The following KCNN2 variants were observed in gnomAD, a reference collection of about 807,000 sequenced individuals.
KCNN2 encodes potassium calcium-activated channel subfamily N member 2, also known as small conductance calcium-activated potassium channel protein 2.
In KCNN2, 24 loss-of-function variants were observed where a neutral mutation model predicts 55.5. The observed-to-expected ratio is 0.43, with a 90% CI of 0.31 to 0.61. KCNN2 has a LOEUF of 0.61. Ranked by LOEUF, KCNN2 falls within the 20% of genes least tolerant of loss-of-function variation. The pLI, the probability that KCNN2 is intolerant of heterozygous loss-of-function variation, is 0.08. For missense variants in KCNN2, 754 were observed against 853.6 expected, an observed-to-expected ratio of 0.88 and a Z score of 1.45; for synonymous variants, 431 against 336.1, an observed-to-expected ratio of 1.28 and a Z score of -3.09.
At chr5:114,126,930 A>G (rs1325551257) in intron 1 of KCNN2, among the ~76,000 whole-genome samples, 1 of 152,206 alleles carries the variant, frequency 6.6e-6, no homozygotes, top group Non-Finnish European at 1.5e-5. Context: ...TCCAGAATCC[A>G]AAAAGGCAGT....
intron 2 of KCNN2, among the ~76,000 whole-genome samples, chr5:114,223,044 T>C (rs1006078341): frequency 7.3e-5 from 11 of 151,008 alleles, no homozygotes; most frequent in African/African-American, 2.7e-4. Context: ...GTAGCATTCA[T>C]TGATTTTCTA....
chr5:114,156,157 G>C (rs1752630098), intron 1 of KCNN2, among the ~76,000 whole-genome samples: 1 of 152,028 alleles, frequency 6.6e-6, no homozygotes, highest in Admixed American at 6.6e-5. Context: ...GCCATTGTTT[G>C]TTTTTGTCAG....
chr5:114,129,060 A>G (rs1379150114), intron 1 of KCNN2, among the ~76,000 whole-genome samples: 1 of 152,212 alleles, frequency 6.6e-6, no homozygotes, highest in Non-Finnish European at 1.5e-5. Context: ...TGATAGCCTG[A>G]CTAACAACAG....
intron 3 of KCNN2, among the ~76,000 whole-genome samples, chr5:114,449,028 T>G (rs1760534723): frequency 6.6e-6 from 1 of 152,136 alleles, no homozygotes; most frequent in Non-Finnish European, 1.5e-5. Flanking sequence ...ATTGAAGTGC[T>G]AGTGTTGGTA....
At chr5:114,111,113 T>C (rs1166607690) in intron 1 of KCNN2, among the ~76,000 whole-genome samples, 2 of 152,116 alleles carry the variant, frequency 1.3e-5, no homozygotes, top group Admixed American at 6.6e-5. Flanking sequence ...AACAGCATGG[T>C]ACTGTTACCA....
At chr5:114,306,219 C>G (rs759278710) in intron 2 of KCNN2, among the ~76,000 whole-genome samples, 4 of 152,170 alleles carry the variant, frequency 2.6e-5, no homozygotes, top group Non-Finnish European at 4.4e-5. Context: ...ATAGCATTCA[C>G]CAGATCTGCC....
intron 2 of KCNN2, among the ~76,000 whole-genome samples, chr5:114,399,930 G>GTTT (rs35266559): frequency 3.1e-5 from 4 of 129,860 alleles, no homozygotes; most frequent in African/African-American, 5.6e-5. Flanking sequence ...TTTTTTTTTT[G>GTTT]TTTTTTTTTT....
intron 2 of KCNN2, among the ~76,000 whole-genome samples, chr5:114,373,366 C>T (rs912516127): frequency 6.6e-6 from 1 of 151,618 alleles, no homozygotes; most frequent in African/African-American, 2.4e-5. Context: ...TAACTGTCTC[C>T]AAATACTCCC....
At chr5:114,453,547 C>T (rs1420510276) in intron 3 of KCNN2, among the ~76,000 whole-genome samples, 1 of 152,122 alleles carries the variant, frequency 6.6e-6, no homozygotes, top group African/African-American at 2.4e-5. Context: ...TAGATGTGTG[C>T]CTTCCAGTTT....
chr5:114,407,505 C>G (rs1427716656), intron 3 of KCNN2, among the ~76,000 whole-genome samples: 2 of 151,636 alleles, frequency 1.3e-5, no homozygotes, highest in African/African-American at 4.8e-5. Context: ...TGAAATTTTT[C>G]TCTTTGCATT....
At chr5:114,261,023 G>T (rs988674457) in intron 2 of KCNN2, among the ~76,000 whole-genome samples, 4 of 152,064 alleles carry the variant, frequency 2.6e-5, no homozygotes, top group Non-Finnish European at 5.9e-5. Flanking sequence ...TTCTGGTGTG[G>T]TTATATTATT....
chr5:114,086,582 C>A (rs899652578), intron 1 of KCNN2, among the ~76,000 whole-genome samples: 6 of 151,930 alleles, frequency 3.9e-5, no homozygotes, highest in Non-Finnish European at 7.4e-5. Context: ...TGGCCTCTAG[C>A]TGCATCTATG....
intron 1 of KCNN2, among the ~76,000 whole-genome samples, chr5:114,187,533 T>A (rs746286548): frequency 1.6e-5 from 2 of 125,926 alleles, no homozygotes; most frequent in Non-Finnish European, 3.2e-5. Flanking sequence ...TGAGCGGAAG[T>A]CTTACTCTGT....
intron 2 of KCNN2, among the ~76,000 whole-genome samples, chr5:114,338,844 G>C (rs151179563): frequency 1.3e-5 from 2 of 152,164 alleles, no homozygotes; most frequent in African/African-American, 2.4e-5. Flanking sequence ...TGGCTAATGA[G>C]GTAAGAGGTA....
chr5:114,440,882 A>C (rs1760181052), intron 3 of KCNN2, among the ~76,000 whole-genome samples: 3 of 151,198 alleles, frequency 2.0e-5, no homozygotes, highest in Admixed American at 6.7e-5. Flanking sequence ...GCTAAAACCC[A>C]CAGATGTTAG....
chr5:114,256,606 G>A (rs971543393), intron 2 of KCNN2, among the ~76,000 whole-genome samples: 1 of 151,882 alleles, frequency 6.6e-6, no homozygotes, highest in Admixed American at 6.6e-5. Flanking sequence ...GGTTTTCATT[G>A]CATTTCTGTA....
chr5:114,126,129 C>G (rs958476263), intron 1 of KCNN2, among the ~76,000 whole-genome samples: 1 of 152,076 alleles, frequency 6.6e-6, no homozygotes. Context: ...GCATCTGTTT[C>G]TCTGTTCAAG....
chr5:114,107,104 C>T (rs1751503614), intron 1 of KCNN2, among the ~76,000 whole-genome samples: 1 of 151,862 alleles, frequency 6.6e-6, no homozygotes, highest in South Asian at 2.1e-4. Context: ...AAAATTTTTC[C>T]TCTCATATGA....
At chr5:114,495,420 C>T (rs995312215) in intron 7 of KCNN2, among the ~76,000 whole-genome samples, 19 of 152,126 alleles carry the variant, frequency 1.2e-4, no homozygotes, top group African/African-American at 4.6e-4. Context: ...ATATTCTACC[C>T]TCAACATTTC....
Sources: allele counts gnomAD v4.1 joint callset (sites outside exome capture counted in the v4.1 genomes callset), GRCh38; gene constraint gnomAD v4.1.1; transcripts MANE v1.5; gene names NCBI Gene and HGNC (gene_info 2026-07-23, HGNC 2026-07-21).